The following MMP3 variants were observed in gnomAD, a reference collection of about 807,000 sequenced individuals.
MMP3 encodes stromelysin-1.
MMP3 carries 46 observed loss-of-function variants against 47.3 expected under a neutral mutation model. The observed-to-expected ratio is 0.97, with a 90% CI of 0.77 to 1.24. MMP3 has a LOEUF of 1.24. Ranked by LOEUF, MMP3 falls within the 50% of genes most tolerant of loss-of-function variation. MMP3 has a pLI of 0.00. For synonymous variants in MMP3, 216 were observed against 206.5 expected, an observed-to-expected ratio of 1.05 and a Z score of -0.39; for missense variants, 558 against 565.5, an observed-to-expected ratio of 0.99 and a Z score of 0.13.
At position 102,837,238 on chromosome 11, in the gene MMP3, C is replaced by T; in HGVS notation, c.1333+60G>A. 1 of 1,308,892 alleles carries T rather than the reference C, an allele frequency of 7.6e-7. No homozygotes were observed. Among genetic ancestry groups the T allele is most frequent in the South Asian group, 1.2e-5 (1 of 82,514 alleles). 81.1% of individuals were successfully genotyped at this position (1,308,892 alleles called of 1,614,324 possible). A position where few individuals can be genotyped will look rare whatever the true frequency, so the allele number is the denominator to read the frequency against. Reference sequence around the variant, plus strand: ...TTAAAAAGTTTCAATGCTCCTCTTCCCTCTGATATCATAAAATGTTTCAAG... The same window carrying T: ...TTAAAAAGTTTCAATGCTCCTCTTCTCTCTGATATCATAAAATGTTTCAAG... On this transcript the variant is annotated intron_variant, in intron 9 of 9. Coordinates refer to ENST00000299855, the MANE Select transcript of MMP3 (RefSeq NM_002422.5). This position sits in a 1 kb window ranked among gnomAD's most constrained non-coding sequence, Gnocchi z 4.4.
At position 102,841,226 on chromosome 11, in the gene MMP3, T is replaced by G. The variant is rs536349234; in HGVS notation, c.626-633A>C. 1.1e-4 allele frequency among the ~76,000 whole-genome samples: 16 copies of G among 152,324 alleles called. No homozygotes were observed. In the East Asian group the frequency reaches 2.9e-3, roughly 28 times the overall value. On this transcript the variant is annotated intron_variant, in intron 4 of 9. Transcript: ENST00000299855. ...TTTATTCAAAATTTTTTCCTTCATA[T>G]TTTTAAAAACACCCATAATGCTAAA...
Position 102,837,205 on chromosome 11 carries a change from A to C in MMP3, c.1333+93T>G, listed in dbSNP as rs1433268593. The C allele has an allele frequency of 2.1e-6, 2 of 952,680 alleles. No individual in the cohort carries two copies. The highest frequency in any genetic ancestry group is 3.3e-6 in the Non-Finnish European group (2 of 609,838). The allele number at this position is 952,680 out of a possible 1,614,324, so 59.0% of individuals were successfully genotyped here. ...GAGAAGGGAACTGGCCCTAAGAAAC[A>C]CTTGTTATTAAAAAGTTTCAATGCT... On this transcript the variant is annotated intron_variant, in intron 9 of 9. Transcript: ENST00000299855. This position sits in a 1 kb window ranked among gnomAD's most constrained non-coding sequence, Gnocchi z 4.4.
At chr11:102,839,007 C>T in intron 7 of MMP3, 103 bp downstream of exon 7, 1 of 1,238,188 alleles carries the variant, frequency 8.1e-7, no homozygotes, top group Non-Finnish European at 1.1e-6. Flanking sequence ...CCGTTGACTA[C>T]TGTATTAGCC....
chr11:102,841,649 T>C (rs586651), intron 4 of MMP3, among the ~76,000 whole-genome samples: 9 of 151,816 alleles, frequency 5.9e-5, no homozygotes, highest in Admixed American at 3.3e-4. Context: ...GTTAGTCTTT[T>C]CCTTCAGAAC....
intron 6 of MMP3, 43 bp downstream of exon 6, chr11:102,840,065 T>C: frequency 6.4e-7 from 1 of 1,567,294 alleles, no homozygotes; most frequent in African/African-American, 1.4e-5. Flanking sequence ...TTTCTAAACA[T>C]TGTAGATTAA....
intron 7 of MMP3, among the ~76,000 whole-genome samples, 172 bp downstream of exon 7, chr11:102,838,938 A>G (rs1339271239): frequency 1.3e-5 from 2 of 152,118 alleles, no homozygotes; most frequent in South Asian, 2.1e-4. Flanking sequence ...TCTTGTCTTT[A>G]TTTTTATCAT....
chr11:102,842,309 A>G (rs782037194), intron 3 of MMP3, 30 bp from the exon 4 acceptor site: 14 of 1,590,464 alleles, frequency 8.8e-6, no homozygotes, highest in South Asian at 1.2e-5. Flanking sequence ...TTGGAAAGAT[A>G]TGTAACAAGG....
rs1555004501 is a variant in MMP3 at position 102,836,058 on chromosome 11, C to G, written c.*68G>C. ...AGGAGAAAACGAACATTTCAATTCA[C>G]AGAGACTTAGGTGAAGAATTATTAG... On this transcript the variant is annotated 3_prime_UTR_variant, in exon 10 of 10. Transcript: ENST00000299855. This position sits in a 1 kb window ranked among gnomAD's most constrained non-coding sequence, Gnocchi z 4.6. 8 of 1,201,866 alleles carry G rather than the reference C, an allele frequency of 6.7e-6. No homozygotes were observed. The highest frequency in any genetic ancestry group is 6.4e-5 in the South Asian group (5 of 78,090). The allele number at this position is 1,201,866 out of a possible 1,614,324, so 74.5% of individuals were successfully genotyped here.
At position 102,840,173 on chromosome 11, in the gene MMP3, A is replaced by C. The variant is rs781987329; in HGVS notation, c.870T>G (p.Cys290Trp). The change falls in exon 6 of 10, where the codon TGT becomes TGG. Residue 290 changes from cysteine to tryptophan, a missense_variant. Cys to Trp is a radical substitution (Grantham distance 215). Coordinates refer to ENST00000299855, the MANE Select transcript of MMP3 (RefSeq NM_002422.5). ...VPPEPGTPAN[C>W]DPALSFDAVS... ...CAGCATCAAAGGACAAAGCAGGATC[A>C]CAGTTGGCTGGCGTCCCAGGTTCTG... 1 of 1,614,136 alleles carries C rather than the reference A, an allele frequency of 6.2e-7. No individual in the cohort carries two copies. The highest frequency in any genetic ancestry group is 2.2e-5 in the East Asian group (1 of 44,882).
Position 102,836,323 on chromosome 11 carries a change from A to C in MMP3, c.1334-97T>G, listed in dbSNP as rs1297599644. The C allele has an allele frequency of 1.1e-6, 1 of 912,376 alleles. No individual in the cohort carries two copies. The highest frequency in any genetic ancestry group is 1.8e-6 in the Non-Finnish European group (1 of 566,768). 56.5% of individuals were successfully genotyped at this position (912,376 alleles called of 1,614,324 possible). A position where few individuals can be genotyped will look rare whatever the true frequency, so the allele number is the denominator to read the frequency against. Reference sequence around the variant, plus strand: ...GAATCATAGAGAACTAAAAATAGAAAGTGTTTATAGAGCTTTACTTTATGT... The same window carrying C: ...GAATCATAGAGAACTAAAAATAGAACGTGTTTATAGAGCTTTACTTTATGT... On this transcript the variant is annotated intron_variant, in intron 9 of 9. Transcript: ENST00000299855. The surrounding 1 kb of genome is among the most constrained non-coding windows in gnomAD (Gnocchi z 4.6).
At position 102,838,574 on chromosome 11, in the gene MMP3, G is replaced by GAAATATGT; in HGVS notation, c.1198_1205dup (p.Phe402LeufsTer6). ...ACCTCCAGTATTTGTCCTCTACAAA[G>GAAATATGT]AAATATGTTTTGTTCTTTTCCTTAT... On this transcript the variant is annotated frameshift_variant, in exon 8 of 10. Coordinates refer to ENST00000299855, the MANE Select transcript of MMP3 (RefSeq NM_002422.5). LOFTEE classifies it high-confidence loss of function. 1 of 1,613,676 alleles carries GAAATATGT rather than the reference G, an allele frequency of 6.2e-7. No homozygotes were observed. Among genetic ancestry groups the GAAATATGT allele is most frequent in the Non-Finnish European group, 8.5e-7 (1 of 1,179,892 alleles).
intron 3 of MMP3, 26 bp from the exon 4 acceptor site, chr11:102,842,305 A>G: frequency 1.3e-6 from 2 of 1,591,636 alleles, no homozygotes; most frequent in Non-Finnish European, 1.7e-6. Flanking sequence ...TTTATTGGAA[A>G]GATATGTAAC....
intron 1 of MMP3, 80 bp from the exon 2 acceptor site, chr11:102,842,996 G>A (rs527622671): frequency 8.1e-7 from 1 of 1,235,598 alleles, no homozygotes; most frequent in South Asian, 1.6e-5. Context: ...TTTTGCAGTT[G>A]CTCACTTCTT....
chr11:102,838,162 G>A (rs1390226308), intron 8 of MMP3, among the ~76,000 whole-genome samples: 5 of 152,168 alleles, frequency 3.3e-5, no homozygotes, highest in African/African-American at 1.2e-4. Flanking sequence ...AAGACAATGG[G>A]AAGGGAACGC....
rs945505538 is a variant in MMP3 at position 102,836,080 on chromosome 11, T to G, written c.*46A>C. 8.1e-6 allele frequency: 11 copies of G among 1,355,904 alleles called. No individual in the cohort carries two copies. Among genetic ancestry groups the G allele is most frequent in the African/African-American group, 1.4e-5 (1 of 69,372 alleles). 84.0% of individuals were successfully genotyped at this position (1,355,904 alleles called of 1,614,324 possible). ...TCACAGAGACTTAGGTGAAGAATTA[T>G]TAGCTTCATTTAAAGTGCCCATATT... On this transcript the variant is annotated 3_prime_UTR_variant, in exon 10 of 10. Coordinates refer to ENST00000299855, the MANE Select transcript of MMP3 (RefSeq NM_002422.5). The surrounding 1 kb of genome is among the most constrained non-coding windows in gnomAD (Gnocchi z 4.6).
chr11:102,840,496 G>A lies in MMP3; in HGVS notation c.723C>T (p.His241=), dbSNP rs782659788. The A allele has an allele frequency of 3.7e-6, 6 of 1,614,020 alleles. No homozygotes were observed. Among genetic ancestry groups the A allele is most frequent in the Non-Finnish European group, 5.1e-6 (6 of 1,180,012 alleles). ...GGAACCGAGTCAGGTCTGTGAGTGA[G>A]TGATAGAGTGGGTACATCAAAGCTT... ...NTEALMYPLY[H]SLTDLTRFRL... Residue 241 remains histidine, a synonymous_variant, in exon 5 of 10, where the codon CAC becomes CAT. Coordinates refer to ENST00000299855, the MANE Select transcript of MMP3 (RefSeq NM_002422.5).
At position 102,838,540 on chromosome 11, in the gene MMP3, T is replaced by A; in HGVS notation, c.1229+11A>T. ...TAGGCTCCATACAAAGTCATTTCTC[T>A]TGCATCTCACCTCCAGTATTTGTCC... On this transcript the variant is annotated intron_variant, in intron 8 of 9. Coordinates refer to ENST00000299855, the MANE Select transcript of MMP3 (RefSeq NM_002422.5). The A allele has an allele frequency of 6.2e-7, 1 of 1,607,926 alleles. No individual in the cohort carries two copies. Among genetic ancestry groups the A allele is most frequent in the Non-Finnish European group, 8.5e-7 (1 of 1,177,718 alleles).
chr11:102,842,890 G>A lies in MMP3; in HGVS notation c.132C>T (p.Leu44=), dbSNP rs782502378. Residue 44 remains leucine (L), a synonymous_variant, in exon 2 of 10, where the codon CTC becomes CTT. Coordinates refer to ENST00000299855, the MANE Select transcript of MMP3 (RefSeq NM_002422.5). ...VQKYLENYYD[L]KKDVKQFVRR... ...TAACAAACTGTTTCACATCTTTTTT[G>A]AGGTCGTAGTAGTTTTCTAGATATT... The A allele has an allele frequency of 3.1e-6, 5 of 1,609,692 alleles. No individual in the cohort carries two copies. Among genetic ancestry groups the A allele is most frequent in the African/African-American group, 2.7e-5 (2 of 74,798 alleles).
rs554448579 is a variant in MMP3, at chr11:102,842,841, C to G, written c.181G>C (p.Val61Leu). ...FVRRKDSGPVVKKIREMQKFL... is the reference protein window; with the variant it reads ...FVRRKDSGPVLKKIREMQKFL... ...TTCTGCATTTCTCGGATTTTTTTAA[C>G]AACAGGACCACTGTCCTTTCTCCTA... Residue 61 changes from valine to leucine, a missense_variant, in exon 2 of 10, where the codon GTT becomes CTT. Val to Leu is a conservative substitution (Grantham distance 32). Coordinates refer to ENST00000299855, the MANE Select transcript of MMP3 (RefSeq NM_002422.5). 3.7e-6 allele frequency: 6 copies of G among 1,613,774 alleles called. No homozygotes were observed. Among genetic ancestry groups the G allele is most frequent in the Non-Finnish European group, 5.1e-6 (6 of 1,179,872 alleles).
Sources: gnomAD v4.1 joint callset for allele counts (sites outside exome capture counted in the v4.1 genomes callset) on GRCh38, gnomAD v4.1.1 for gene constraint, Gnocchi (gnomAD v3.1) non-coding constraint, MANE v1.5 for transcripts, NCBI Gene and HGNC (gene_info 2026-07-23, HGNC 2026-07-21) for gene names.